NDUFA10: variants seen among roughly 807,000 people sequenced by gnomAD.
NDUFA10 encodes NADH:ubiquinone oxidoreductase subunit A10, also known as NADH dehydrogenase [ubiquinone] 1 alpha subcomplex subunit 10, mitochondrial.
NDUFA10 carries 40 observed loss-of-function variants against 47.8 expected under a neutral mutation model. That is an observed-to-expected ratio of 0.84 (90% CI 0.65 to 1.09). NDUFA10 has a LOEUF of 1.09. NDUFA10 is among the 50% of genes least tolerant of loss of function. The pLI, the probability that NDUFA10 is intolerant of heterozygous loss-of-function variation, is 0.00. For missense variants in NDUFA10, 413 were observed against 451.1 expected (o/e 0.92, Z 0.76); for synonymous variants, 183 against 172.2 (o/e 1.06, Z -0.49).
In NDUFA10 at chr2:240,016,850, G is replaced by C. The variant is rs1381649959; in HGVS notation, c.547+1703C>G. Among the ~76,000 whole-genome samples the C allele has an allele frequency of 6.6e-6, 1 of 152,098 alleles. No homozygotes were observed. Among genetic ancestry groups the C allele is most frequent in the African/African-American group, 2.4e-5 (1 of 41,416 alleles). On this transcript the variant is annotated intron_variant, in intron 4 of 9. Transcript: ENST00000252711. This position sits in a 1 kb window ranked among gnomAD's most constrained non-coding sequence, Gnocchi z 4.4. ...GCCGACAGGTATCTCCTGCCACCTT[G>C]CCATGGGAACCTCACACTCAGGAAT...
At chr2:239,961,313 A>G in intron 9 of NDUFA10, 127 bp from the exon 10 acceptor site, 1 of 1,547,552 alleles carries the variant, frequency 6.5e-7, no homozygotes, top group Non-Finnish European at 8.8e-7. Context: ...TGGTGAGCAC[A>G]TGATCTGTGG....
At chr2:239,998,243 T>C (rs935717828) in intron 8 of NDUFA10, among the ~76,000 whole-genome samples, 1 of 152,160 alleles carries the variant, frequency 6.6e-6, no homozygotes, top group African/African-American at 2.4e-5. Flanking sequence ...CCTCCTTCAC[T>C]TTCCTCCTTA....
chr2:240,025,164 T>TGGG, intron 1 of NDUFA10, 63 bp downstream of exon 1: 10 of 594,904 alleles, frequency 1.7e-5, no homozygotes, highest in Non-Finnish European at 2.5e-5. Flanking sequence ...GTGGAACTGC[T>TGGG]CCCCACCCCG....
chr2:240,018,383 G>C (rs1332400422), intron 4 of NDUFA10, 170 bp downstream of exon 4: 1 of 1,534,876 alleles, frequency 6.5e-7, no homozygotes, highest in Non-Finnish European at 8.8e-7. Flanking sequence ...AGGGAGAAAG[G>C]GTGGAAGATA....
At chr2:239,970,901 G>A (rs1444545722) in intron 9 of NDUFA10, among the ~76,000 whole-genome samples, 1 of 152,242 alleles carries the variant, frequency 6.6e-6, no homozygotes, top group Non-Finnish European at 1.5e-5. Flanking sequence ...GTAAGAATGA[G>A]CAGGTAGTTC....
At chr2:239,943,973 C>T (rs957246789) in intron 4 of NDUFA10, among the ~76,000 whole-genome samples, 30 of 152,282 alleles carry the variant, frequency 2.0e-4, no homozygotes, top group Middle Eastern at 3.4e-3. Context: ...GTGCCTGTCC[C>T]GAGATGTCCC....
At chr2:240,017,640 C>T (rs568862012) in intron 4 of NDUFA10, among the ~76,000 whole-genome samples, 1 of 152,324 alleles carries the variant, frequency 6.6e-6, no homozygotes, top group African/African-American at 2.4e-5. Flanking sequence ...ACAGGCACTC[C>T]AGAAACACTT....
At chr2:239,979,295 T>C (rs140037744) in intron 9 of NDUFA10, among the ~76,000 whole-genome samples, 5 of 146,922 alleles carry the variant, frequency 3.4e-5, no homozygotes, top group African/African-American at 1.2e-4. Context: ...CCTGTCTCTA[T>C]TGTGCTTTAT....
chr2:239,983,749 G>A, intron 9 of NDUFA10: 1 of 1,545,728 alleles, frequency 6.5e-7, no homozygotes, highest in Non-Finnish European at 8.8e-7. Flanking sequence ...CTCAACTGAG[G>A]GAGAGTCTAC....
intron 9 of NDUFA10, chr2:239,983,707 C>A: frequency 6.4e-7 from 1 of 1,568,970 alleles, no homozygotes; most frequent in Non-Finnish European, 8.6e-7. Context: ...ACACACAGTC[C>A]AATCTAATCG....
chr2:239,999,749 G>C (rs1487516004), intron 8 of NDUFA10, among the ~76,000 whole-genome samples: 5 of 152,230 alleles, frequency 3.3e-5, no homozygotes, highest in Non-Finnish European at 5.9e-5. Flanking sequence ...TGAATTTTGG[G>C]AAAATGGAAA....
chr2:239,921,956 C>T lies in NDUFA10; in HGVS notation c.295-26642G>A, dbSNP rs184065718. On this transcript the variant is annotated intron_variant, in intron 4 of 5. Transcript: ENST00000419408. Reference sequence around the variant, plus strand: ...TCCTTCCTTCTTTCCTTTCCTCCTCCCCTCCCTCCCTCCTTTCCTCCTTCT... The same window carrying T: ...TCCTTCCTTCTTTCCTTTCCTCCTCTCCTCCCTCCCTCCTTTCCTCCTTCT... 7.8e-4 allele frequency among the ~76,000 whole-genome samples: 116 copies of T among 149,074 alleles called. 1 individual carries two copies. In the East Asian group the frequency reaches 0.022, roughly 28 times the overall value.
intron 4 of NDUFA10, among the ~76,000 whole-genome samples, chr2:239,899,417 T>A (rs1469497145): frequency 1.0e-5 from 1 of 95,788 alleles, no homozygotes; most frequent in Non-Finnish European, 2.4e-5. Flanking sequence ...AGAGGTGTGA[T>A]GGAGGGGTGT....
chr2:239,900,444 ACCATGAAGCTTCC>A (rs897629603), intron 4 of NDUFA10, among the ~76,000 whole-genome samples: 9 of 145,966 alleles, frequency 6.2e-5, no homozygotes, highest in African/African-American at 2.0e-4. Flanking sequence ...CCGTTTTCCT[ACCATGAAGCTTCC>A]CCACTCCTCT....
intron 4 of NDUFA10, among the ~76,000 whole-genome samples, chr2:239,898,513 A>T (rs1693444279): frequency 6.6e-6 from 1 of 152,250 alleles, no homozygotes. Flanking sequence ...GCTCCTGGTG[A>T]GGTTGAACCC....
downstream of NDUFA10, among the ~76,000 whole-genome samples, chr2:239,953,912 G>T (rs1410051838): frequency 6.6e-6 from 1 of 152,248 alleles, no homozygotes; most frequent in African/African-American, 2.4e-5. Flanking sequence ...CCGCCTCAGG[G>T]CTGTGACAGT....
At chr2:239,936,850 C>T (rs1446297913) in intron 4 of NDUFA10, among the ~76,000 whole-genome samples, 4 of 152,176 alleles carry the variant, frequency 2.6e-5, no homozygotes, top group Admixed American at 2.6e-4. Context: ...ATCTCAGCTA[C>T]TCGAGAGGCT....
At chr2:240,003,070 G>C (rs977535154) in intron 8 of NDUFA10, among the ~76,000 whole-genome samples, 7 of 152,112 alleles carry the variant, frequency 4.6e-5, no homozygotes, top group African/African-American at 1.4e-4. Context: ...GGCTGGTCTC[G>C]AACTCCGGGG....
chr2:239,948,621 C>T (rs554818093), intron 4 of NDUFA10, among the ~76,000 whole-genome samples: 45 of 152,328 alleles, frequency 3.0e-4, no homozygotes, highest in African/African-American at 1.1e-3. Context: ...GTCGGTGGGA[C>T]CCGGATCCTG....
Sources: gnomAD v4.1 joint callset for allele counts (sites outside exome capture counted in the v4.1 genomes callset) on GRCh38, gnomAD v4.1.1 for gene constraint, Gnocchi (gnomAD v3.1) non-coding constraint, MANE v1.5 for transcripts, NCBI Gene and HGNC (gene_info 2026-07-23, HGNC 2026-07-21) for gene names.